RFTN1: variants seen among roughly 807,000 people sequenced by gnomAD.
RFTN1 encodes raftlin, lipid raft linker 1, also known as raftlin.
A neutral mutation model predicts 46.5 loss-of-function variants in RFTN1; 26 were observed. The ratio of observed to expected loss-of-function variants is 0.56; its 90% CI spans 0.41 to 0.78. The LOEUF (loss-of-function observed/expected upper bound fraction) is 0.78. Among genes scored for constraint, RFTN1 ranks in the 30% least tolerant of loss-of-function variants. The pLI is 0.00. For synonymous variants in RFTN1, 261 were observed against 284.2 expected (o/e 0.92, Z 0.82); for missense variants, 693 against 718.7 (o/e 0.96, Z 0.41).
intron 4 of RFTN1, among the ~76,000 whole-genome samples, chr3:16,404,525 C>A (rs1479290866): frequency 6.7e-6 from 1 of 149,106 alleles, no homozygotes; most frequent in East Asian, 2.0e-4. Flanking sequence ...CTAGAGCTCG[C>A]CAGACTAAGG....
chr3:16,482,118 T>C (rs2076375953), intron 2 of RFTN1, among the ~76,000 whole-genome samples: 1 of 152,166 alleles, frequency 6.6e-6, no homozygotes, highest in African/African-American at 2.4e-5. Flanking sequence ...TGACCCTTAA[T>C]GTGGCTCCGG....
chr3:16,398,947 T>C (rs1213651217), intron 4 of RFTN1, among the ~76,000 whole-genome samples: 3 of 152,224 alleles, frequency 2.0e-5, no homozygotes, highest in Admixed American at 1.3e-4. Context: ...TTCTCTGCAG[T>C]GACGACAAAG....
At chr3:16,323,809 A>G (rs1009392025) in intron 8 of RFTN1, among the ~76,000 whole-genome samples, 1 of 152,230 alleles carries the variant, frequency 6.6e-6, no homozygotes, top group African/African-American at 2.4e-5. Flanking sequence ...GTCTCTGGTA[A>G]TGATGGGCAG....
chr3:16,376,417 C>T lies in RFTN1; in HGVS notation c.826+1301G>A, dbSNP rs1467789277. ...CTCTGCCTGGCCTGACTCTCGCCCT[C>T]CCACAGTCCTGGACCGTACAGAAGG... On this transcript the variant is annotated intron_variant, in intron 5 of 9. Transcript: ENST00000334133. This position sits in a 1 kb window ranked among gnomAD's most constrained non-coding sequence, Gnocchi z 4.7. 6.6e-6 allele frequency among the ~76,000 whole-genome samples: 1 copy of T among 152,152 alleles called. No homozygotes were observed. The highest frequency in any genetic ancestry group is 2.1e-4 in the South Asian group (1 of 4,828).
At chr3:16,406,812 A>AG in intron 4 of RFTN1, among the ~76,000 whole-genome samples, 1 of 152,352 alleles carries the variant, frequency 6.6e-6, no homozygotes, top group South Asian at 2.1e-4. Context: ...GTCAGTTTCT[A>AG]AGAACCTACA....
At chr3:16,359,536 C>T (rs2072694128) in intron 6 of RFTN1, among the ~76,000 whole-genome samples, 1 of 152,088 alleles carries the variant, frequency 6.6e-6, no homozygotes, top group Non-Finnish European at 1.5e-5. Context: ...TCTCCCTTTC[C>T]TGGCGTGTGT....
At position 16,410,548 on chromosome 3, in the gene RFTN1, C is replaced by G. The variant is rs751637959; in HGVS notation, c.333-1065G>C. Reference sequence around the variant, plus strand: ...ATTTTTAAAAGACTTTAAAAGGGTTCAACCCCTTTAGAGGGCAATCTGGCA... The same window carrying G: ...ATTTTTAAAAGACTTTAAAAGGGTTGAACCCCTTTAGAGGGCAATCTGGCA... On this transcript the variant is annotated intron_variant, in intron 3 of 9. Coordinates refer to ENST00000334133, the MANE Select transcript of RFTN1 (RefSeq NM_015150.2). The surrounding 1 kb of genome is among the most constrained non-coding windows in gnomAD (Gnocchi z 4.6). Among the ~76,000 whole-genome samples, 1 of 152,106 alleles carries G rather than the reference C, an allele frequency of 6.6e-6. No individual in the cohort carries two copies. Among genetic ancestry groups the G allele is most frequent in the African/African-American group, 2.4e-5 (1 of 41,394 alleles).
rs970124268 is a variant in RFTN1, at chr3:16,513,652, C to G, written c.-219G>C. The G allele has an allele frequency of 6.6e-5, 10 of 150,954 alleles. No individual in the cohort carries two copies. The highest frequency in any genetic ancestry group is 1.8e-4 in the South Asian group (1 of 5,600). The allele number at this position is 150,954 out of a possible 1,614,324, so 9.4% of individuals were successfully genotyped here. A position where few individuals can be genotyped will look rare whatever the true frequency, so the allele number is the denominator to read the frequency against. On this transcript the variant is annotated 5_prime_UTR_variant, in exon 1 of 10. Coordinates refer to ENST00000334133, the MANE Select transcript of RFTN1 (RefSeq NM_015150.2). This position sits in a 1 kb window ranked among gnomAD's most constrained non-coding sequence, Gnocchi z 5.4. ...GTCCCTCGCCGGAGCCCGCGGCCGCCGCGCTCTCGCTCGCTGCGCCCAGCG... is the reference window on the plus strand; with the variant it reads ...GTCCCTCGCCGGAGCCCGCGGCCGCGGCGCTCTCGCTCGCTGCGCCCAGCG...
chr3:16,397,828 A>T (rs2074505151), intron 4 of RFTN1, among the ~76,000 whole-genome samples: 1 of 152,036 alleles, frequency 6.6e-6, no homozygotes, highest in African/African-American at 2.4e-5. Flanking sequence ...ACCTTGAAAA[A>T]TAGAGCGGTA....
Position 16,336,057 on chromosome 3 carries a change from A to G in RFTN1, c.1147-9181T>C, listed in dbSNP as rs1575033268. On this transcript the variant is annotated intron_variant, in intron 7 of 9. Transcript: ENST00000334133. This position sits in a 1 kb window ranked among gnomAD's most constrained non-coding sequence, Gnocchi z 6.0. ...GTAGAGGTCCTGTTCTCCTACGGCC[A>G]TGGAAAGTGGAGATCTAGAGGCAGG... Among the ~76,000 whole-genome samples, 2 of 152,218 alleles carry G rather than the reference A, an allele frequency of 1.3e-5. No individual in the cohort carries two copies. The highest frequency in any genetic ancestry group is 4.8e-5 in the African/African-American group (2 of 41,454).
Position 16,429,886 on chromosome 3 carries a change from C to T in RFTN1, c.332+3965G>A, listed in dbSNP as rs1287614578. Among the ~76,000 whole-genome samples the T allele has an allele frequency of 2.6e-5, 4 of 152,214 alleles. No homozygotes were observed. Among genetic ancestry groups the T allele is most frequent in the African/African-American group, 9.6e-5 (4 of 41,456 alleles). On this transcript the variant is annotated intron_variant, in intron 3 of 9. Coordinates refer to ENST00000334133, the MANE Select transcript of RFTN1 (RefSeq NM_015150.2). The surrounding 1 kb of genome is among the most constrained non-coding windows in gnomAD (Gnocchi z 6.4). The stretch of plus-strand genomic sequence containing the variant: ...AACAATAATCTAGAATGTGTATCTA[C>T]ATCTCTTTCAATGTGCTCCACTTGA...
chr3:16,392,834 C>T (rs986166870), intron 4 of RFTN1, among the ~76,000 whole-genome samples: 1 of 151,956 alleles, frequency 6.6e-6, no homozygotes, highest in Non-Finnish European at 1.5e-5. Flanking sequence ...TTCAACAAGT[C>T]CCAACCATGC....
chr3:16,471,691 C>A (rs1575339487), intron 2 of RFTN1, among the ~76,000 whole-genome samples: 1 of 152,136 alleles, frequency 6.6e-6, no homozygotes, highest in Non-Finnish European at 1.5e-5. Flanking sequence ...TTGGTTATCC[C>A]AAGTTCCTTA....
chr3:16,447,462 C>T lies in RFTN1; in HGVS notation c.146-13425G>A, dbSNP rs1417955207. 2.0e-5 allele frequency among the ~76,000 whole-genome samples: 3 copies of T among 152,228 alleles called. No individual in the cohort carries two copies. Among genetic ancestry groups the T allele is most frequent in the African/African-American group, 4.8e-5 (2 of 41,458 alleles). On this transcript the variant is annotated intron_variant, in intron 2 of 9. Transcript: ENST00000334133. This position sits in a 1 kb window ranked among gnomAD's most constrained non-coding sequence, Gnocchi z 5.9. Reference sequence around the variant, plus strand: ...TTTGCATGCAAAATCGACATCAGCACTCTCTGGTCTATTTTTTGCCTATGT... The same window carrying T: ...TTTGCATGCAAAATCGACATCAGCATTCTCTGGTCTATTTTTTGCCTATGT...
At chr3:16,482,779 A>G (rs1443595548) in intron 2 of RFTN1, 2 of 1,536,046 alleles carry the variant, frequency 1.3e-6, no homozygotes, top group Non-Finnish European at 1.7e-6. Context: ...CCATCACAAT[A>G]CATCAGCTGC....
chr3:16,379,558 C>G (rs1442181539), intron 4 of RFTN1, among the ~76,000 whole-genome samples: 5 of 152,160 alleles, frequency 3.3e-5, no homozygotes, highest in African/African-American at 4.8e-5. Flanking sequence ...AGTGCAAAAC[C>G]AGGTCTGGCC....
rs1279958013 is a variant in RFTN1 at position 16,452,525 on chromosome 3, C to T, written c.146-18488G>A. Among the ~76,000 whole-genome samples the T allele has an allele frequency of 1.3e-5, 2 of 152,148 alleles. No individual in the cohort carries two copies. The highest frequency in any genetic ancestry group is 2.4e-5 in the African/African-American group (1 of 41,430). On this transcript the variant is annotated intron_variant, in intron 2 of 9. Transcript: ENST00000334133. This position sits in a 1 kb window ranked among gnomAD's most constrained non-coding sequence, Gnocchi z 6.3. ...CTGCACCTAATGATGGGCAGATGAA[C>T]GTTTGTTTTCAATGAATTCACTGTG...
chr3:16,493,060 G>C (rs2076565844), intron 2 of RFTN1, among the ~76,000 whole-genome samples: 1 of 152,234 alleles, frequency 6.6e-6, no homozygotes, highest in African/African-American at 2.4e-5. Context: ...CAACAGGCAG[G>C]TGAATTTGGG....
At chr3:16,325,152 G>A (rs910913911) in intron 8 of RFTN1, among the ~76,000 whole-genome samples, 12 of 152,160 alleles carry the variant, frequency 7.9e-5, no homozygotes, top group Non-Finnish European at 1.2e-4. Context: ...TTTGTGTAGC[G>A]GCTAGGCTGG....
Sources: gnomAD v4.1 joint callset for allele counts (sites outside exome capture counted in the v4.1 genomes callset) on GRCh38, gnomAD v4.1.1 for gene constraint, Gnocchi (gnomAD v3.1) non-coding constraint, MANE v1.5 for transcripts, NCBI Gene and HGNC (gene_info 2026-07-23, HGNC 2026-07-21) for gene names.